TNR: variants seen among roughly 807,000 people sequenced by gnomAD.
The protein encoded by TNR is tenascin R, also known as tenascin-R.
A neutral mutation model predicts 150.4 loss-of-function variants in TNR; 45 were observed. That is an observed-to-expected ratio of 0.30 (90% confidence interval 0.24 to 0.38). The LOEUF is 0.38. Ranked by LOEUF, TNR falls within the 10% of genes least tolerant of loss-of-function variation. The pLI, the probability that TNR is intolerant of heterozygous loss-of-function variation, is 1.00. For missense variants in TNR, 1,544 were observed against 1,759.1 expected, an observed-to-expected ratio of 0.88 and a Z score of 2.19; for synonymous variants, 687 against 678.4, an observed-to-expected ratio of 1.01 and a Z score of -0.20.
intron 2 of TNR, among the ~76,000 whole-genome samples, chr1:175,439,596 G>A (rs1344228441): frequency 6.6e-5 from 10 of 152,126 alleles, no homozygotes; most frequent in South Asian, 6.2e-4. Flanking sequence ...GCAACCTACA[G>A]AATGGGAGAA....
At chr1:175,714,524 A>T (rs1224896144) in intron 1 of TNR, among the ~76,000 whole-genome samples, 1 of 152,190 alleles carries the variant, frequency 6.6e-6, no homozygotes, top group Non-Finnish European at 1.5e-5. Flanking sequence ...AATTCTAGAT[A>T]GATGGGCTGG....
intron 1 of TNR, among the ~76,000 whole-genome samples, chr1:175,658,255 G>A (rs911267540): frequency 1.3e-5 from 2 of 152,186 alleles, no homozygotes; most frequent in Middle Eastern, 3.4e-3. Context: ...GCAGGAATGA[G>A]GTGCTACTTT....
intron 20 of TNR, among the ~76,000 whole-genome samples, chr1:175,331,006 T>C (rs372468808): frequency 1.7e-4 from 7 of 40,520 alleles, no homozygotes; most frequent in African/African-American, 5.6e-4. Flanking sequence ...TGATTCTTTC[T>C]TTCTTTCTTT....
At chr1:175,673,679 A>C (rs1461505012) in intron 1 of TNR, among the ~76,000 whole-genome samples, 1 of 152,198 alleles carries the variant, frequency 6.6e-6, no homozygotes, top group Non-Finnish European at 1.5e-5. Context: ...GAAGTGAGTA[A>C]ACACTTCCCC....
At position 175,629,992 on chromosome 1, in the gene TNR, G is replaced by A. The variant is rs1664273945; in HGVS notation, c.-164-101623C>T. 2.6e-5 allele frequency among the ~76,000 whole-genome samples: 4 copies of A among 152,286 alleles called. No individual in the cohort carries two copies. In the South Asian group the frequency reaches 8.3e-4, roughly 32 times the overall value. On this transcript the variant is annotated intron_variant, in intron 1 of 22. Transcript: ENST00000367674. ...CCTCAGACCCATACTGAGTCCTGGG[G>A]AGGGACTTTCTGGTGTGTCCTCTGC...
chr1:175,479,552 C>CGGAA (rs1253408150), intron 2 of TNR, among the ~76,000 whole-genome samples: 14 of 152,188 alleles, frequency 9.2e-5, no homozygotes, highest in African/African-American at 3.4e-4. Flanking sequence ...TCAAGTTTTC[C>CGGAA]ATGAGCCCCA....
chr1:175,320,489 A>G lies in TNR; in HGVS notation c.*2868T>C, dbSNP rs907138268. Reference sequence around the variant, plus strand: ...CTGGTACTATTTATAAAAATGTTCCATAGTGTAGAATGGTTTCAATAAAAG... The same window carrying G: ...CTGGTACTATTTATAAAAATGTTCCGTAGTGTAGAATGGTTTCAATAAAAG... On this transcript the variant is annotated 3_prime_UTR_variant, in exon 23 of 23. Transcript: ENST00000367674. 4 of 152,222 alleles carry G rather than the reference A, an allele frequency of 2.6e-5. No individual in the cohort carries two copies. The highest frequency in any genetic ancestry group is 9.6e-5 in the African/African-American group (4 of 41,462). 9.4% of individuals were successfully genotyped at this position (152,222 alleles called of 1,614,324 possible).
intron 2 of TNR, among the ~76,000 whole-genome samples, chr1:175,512,595 C>T (rs1209715142): frequency 1.3e-5 from 2 of 152,190 alleles, no homozygotes; most frequent in Non-Finnish European, 2.9e-5. Context: ...GTCATATTCT[C>T]TGCCTAGGAA....
chr1:175,359,296 C>T (rs1450240437), intron 15 of TNR, among the ~76,000 whole-genome samples: 1 of 151,704 alleles, frequency 6.6e-6, no homozygotes, highest in Non-Finnish European at 1.5e-5. Flanking sequence ...CAGGTTTGCA[C>T]CACCACTTCC....
At chr1:175,700,183 T>C (rs1666647993) in intron 1 of TNR, among the ~76,000 whole-genome samples, 3 of 149,008 alleles carry the variant, frequency 2.0e-5, no homozygotes, top group Admixed American at 2.0e-4. Context: ...GTCCTCTAGC[T>C]TAAGATAACT....
At chr1:175,485,468 G>A (rs1657971869) in intron 2 of TNR, among the ~76,000 whole-genome samples, 1 of 152,160 alleles carries the variant, frequency 6.6e-6, no homozygotes, top group African/African-American at 2.4e-5. Flanking sequence ...GTTTGGGGTG[G>A]GGTGGGCACA....
intron 1 of TNR, among the ~76,000 whole-genome samples, chr1:175,633,833 G>T (rs1056802933): frequency 6.6e-6 from 1 of 152,180 alleles, no homozygotes; most frequent in African/African-American, 2.4e-5. Context: ...TTAGGGAATT[G>T]TGTTCACATC....
chr1:175,695,901 C>T (rs1666500017), intron 1 of TNR, among the ~76,000 whole-genome samples: 1 of 152,068 alleles, frequency 6.6e-6, no homozygotes, highest in African/African-American at 2.4e-5. Context: ...TCTGTGTTCC[C>T]AGTGCCTATA....
chr1:175,562,647 A>G lies in TNR; in HGVS notation c.-164-34278T>C, dbSNP rs376603276. On this transcript the variant is annotated intron_variant, in intron 1 of 22. Coordinates refer to ENST00000367674, the MANE Select transcript of TNR (RefSeq NM_003285.3). Reference sequence around the variant, plus strand: ...GTGGACCCTGCAGAGAACAAGAGACAGGATGTGGTAGAACAGCATGGCCAA... The same window carrying G: ...GTGGACCCTGCAGAGAACAAGAGACGGGATGTGGTAGAACAGCATGGCCAA... Among the ~76,000 whole-genome samples, 158 of 152,358 alleles carry G rather than the reference A, an allele frequency of 1.0e-3. 2 individuals are homozygous for G. The highest frequency in any genetic ancestry group is 3.1e-3 in the African/African-American group (131 of 41,594).
intron 1 of TNR, among the ~76,000 whole-genome samples, chr1:175,557,486 A>G (rs1231157307): frequency 6.6e-6 from 1 of 152,162 alleles, no homozygotes; most frequent in Non-Finnish European, 1.5e-5. Context: ...CTTTTGCAGA[A>G]TTCCCTCTCC....
chr1:175,679,366 G>A (rs751554940), intron 1 of TNR, among the ~76,000 whole-genome samples: 1 of 152,202 alleles, frequency 6.6e-6, no homozygotes, highest in Non-Finnish European at 1.5e-5. Flanking sequence ...AGCCCTCTGG[G>A]CCATAGACCA....
intron 2 of TNR, among the ~76,000 whole-genome samples, chr1:175,521,451 C>T (rs1659636154): frequency 6.6e-6 from 1 of 152,164 alleles, no homozygotes; most frequent in African/African-American, 2.4e-5. Flanking sequence ...GCAACAAAAC[C>T]CGACTGGCTC....
intron 2 of TNR, among the ~76,000 whole-genome samples, chr1:175,410,915 C>A (rs1235657733): frequency 6.6e-6 from 1 of 152,194 alleles, no homozygotes; most frequent in South Asian, 2.1e-4. Context: ...CACCACGTAA[C>A]CTACCCTATC....
intron 1 of TNR, among the ~76,000 whole-genome samples, chr1:175,723,287 C>A (rs1051834418): frequency 6.6e-6 from 1 of 152,144 alleles, no homozygotes; most frequent in South Asian, 2.1e-4. Context: ...ACAGTGGATG[C>A]CCTAATGCCC....
Sources: allele counts gnomAD v4.1 joint callset (sites outside exome capture counted in the v4.1 genomes callset), GRCh38; gene constraint gnomAD v4.1.1; transcripts MANE v1.5; gene names NCBI Gene and HGNC (gene_info 2026-07-23, HGNC 2026-07-21).